The following ATG2A variants were observed in gnomAD, a reference collection of about 807,000 sequenced individuals.
The protein encoded by ATG2A is autophagy-related protein 2 homolog A.
Under a neutral mutation model 214.2 loss-of-function variants are expected in ATG2A, and 103 were observed. The observed-to-expected ratio is 0.48, with a 90% confidence interval of 0.41 to 0.57. The LOEUF is 0.57. ATG2A is among the 20% of genes least tolerant of loss of function. ATG2A has a pLI of 0.00. For missense variants in ATG2A, 2,312 were observed against 2,613.2 expected, an observed-to-expected ratio of 0.88 and a Z score of 2.51; for synonymous variants, 1,160 against 1,142.1, an observed-to-expected ratio of 1.02 and a Z score of -0.32.
rs1944608939 is a variant in ATG2A at position 64,907,775 on chromosome 11, T to G, written c.2480A>C (p.Lys827Thr). The stretch of plus-strand genomic sequence containing the variant: ...GTTGTAGATGCTCTCGTAGACCTCC[T>G]TGCTGGGCAGAAAGATGTGGACACT... ...LPSVHIFLPS[K>T]EVYESIYNRI... The change falls in exon 17 of 41, where the codon AAG becomes ACG. Residue 827 changes from lysine to threonine, a missense_variant. Physicochemically the swap from Lys to Thr is moderately conservative, Grantham distance 78. Transcript: ENST00000377264. The G allele has an allele frequency of 6.2e-7, 1 of 1,613,400 alleles. No homozygotes were observed. The highest frequency in any genetic ancestry group is 1.7e-5 in the Admixed American group (1 of 59,986).
Position 64,911,118 on chromosome 11 carries a change from G to A in ATG2A, c.1386C>T (p.Thr462=), listed in dbSNP as rs753076247. ...CTCGGGAACCGAAGGGCCCATCCTTGGTGGCATCAAACTCGGTGAAAAAGT... is the reference window on the plus strand; with the variant it reads ...CTCGGGAACCGAAGGGCCCATCCTTAGTGGCATCAAACTCGGTGAAAAAGT... ...ATHFFTEFDA[T]KDGPFGSRDF... is the part of the protein sequence containing the mutation. Residue 462 remains threonine, a synonymous_variant, in exon 10 of 41, where the codon ACC becomes ACT. Transcript: ENST00000377264. 2.5e-6 allele frequency: 4 copies of A among 1,614,028 alleles called. No homozygotes were observed. Among genetic ancestry groups the A allele is most frequent in the East Asian group, 2.2e-5 (1 of 44,892 alleles).
chr11:64,906,557 C>T (rs1366863305), intron 20 of ATG2A, 24 bp from the exon 21 acceptor site: 1 of 1,610,100 alleles, frequency 6.2e-7, no homozygotes, highest in Middle Eastern at 1.7e-4. Flanking sequence ...TCATGAGCCC[C>T]CTGCCAAGCC....
At position 64,906,832 on chromosome 11, in the gene ATG2A, C is replaced by T. The variant is rs1450473016; in HGVS notation, c.2833-17G>A. On this transcript the variant is annotated splice_polypyrimidine_tract_variant and intron_variant, in intron 19 of 40. Coordinates refer to ENST00000377264, the MANE Select transcript of ATG2A (RefSeq NM_015104.3). The stretch of plus-strand genomic sequence containing the variant: ...ACCCTCATCCTGCAGAAGGAGCACA[C>T]AGCCTGGCTTCCCCAGCTGCACTCA... The T allele has an allele frequency of 6.2e-7, 1 of 1,608,926 alleles. No homozygotes were observed. The highest frequency in any genetic ancestry group is 8.5e-7 in the Non-Finnish European group (1 of 1,178,316).
Position 64,911,229 on chromosome 11 carries a change from C to T in ATG2A, c.1275G>A (p.Ser425=), listed in dbSNP as rs200164550. 68 of 1,614,054 alleles carry T rather than the reference C, an allele frequency of 4.2e-5. 1 individual carries two copies. The highest frequency in any genetic ancestry group is 4.1e-4 in the South Asian group (37 of 91,084). ...NPLLDTMRPD[S]LLKMTLGGVT... ...CACCCCCCAAGGTCATCTTCAGCAG[C>T]GAGTCAGGGCGCATGGTGTCCAGGA... Residue 425 remains serine, a synonymous_variant, in exon 10 of 41, where the codon TCG becomes TCA. Coordinates refer to ENST00000377264, the MANE Select transcript of ATG2A (RefSeq NM_015104.3).
chr11:64,898,204 C>A lies in ATG2A; in HGVS notation c.4774-34G>T. 6.2e-7 allele frequency: 1 copy of A among 1,613,818 alleles called. No individual in the cohort carries two copies. The highest frequency in any genetic ancestry group is 2.2e-5 in the East Asian group (1 of 44,886). On this transcript the variant is annotated intron_variant, in intron 33 of 40. Transcript: ENST00000377264. The surrounding 1 kb of genome is among the most constrained non-coding windows in gnomAD (Gnocchi z 4.5). The stretch of plus-strand genomic sequence containing the variant: ...GAGAGGTCCAGATGTGGATCAGACT[C>A]AGAGGCCTGGAGACAGTGGGGTCAC...
At position 64,895,456 on chromosome 11, in the gene ATG2A, G is replaced by A. The variant is rs1368296275; in HGVS notation, c.5428-14C>T. On this transcript the variant is annotated splice_polypyrimidine_tract_variant and intron_variant, in intron 39 of 40. Transcript: ENST00000377264. This position sits in a 1 kb window ranked among gnomAD's most constrained non-coding sequence, Gnocchi z 5.0. ...CTCAGCTGTGGCCTGGGGGACATGG[G>A]AGCACTGGATGAGGACAGCTGGCTG... is the stretch of plus-strand genomic sequence containing the variant. 1 of 1,549,678 alleles carries A rather than the reference G, an allele frequency of 6.5e-7. No individual in the cohort carries two copies. The highest frequency in any genetic ancestry group is 1.9e-5 in the Admixed American group (1 of 52,906).
chr11:64,896,880 A>G lies in ATG2A; in HGVS notation c.5151-11T>C. ...TCCACACCCAGGAGCCTGGCAGGGC[A>G]GGGAGGTGAGGAGGCAGAAGGTGAG... On this transcript the variant is annotated splice_polypyrimidine_tract_variant and intron_variant, in intron 37 of 40. Transcript: ENST00000377264. 5.6e-6 allele frequency: 9 copies of G among 1,612,796 alleles called. No individual in the cohort carries two copies. Among genetic ancestry groups the G allele is most frequent in the Non-Finnish European group, 6.8e-6 (8 of 1,178,950 alleles).
At position 64,909,777 on chromosome 11, in the gene ATG2A, G is replaced by A. The variant is rs769643699; in HGVS notation, c.2011C>T (p.Leu671=). The change falls in exon 14 of 41, where the codon CTG becomes TTG. Residue 671 remains leucine (L), a synonymous_variant. Transcript: ENST00000377264. The part of the protein sequence containing the change: ...GQAVRAEQLR[L]ELSEPQFRSE... Reference sequence around the variant, plus strand: ...CGGAACTGGGGCTCACTCAGCTCCAGCCGAAGCTGCTCAGCCCGCACGGCC... The same window carrying A: ...CGGAACTGGGGCTCACTCAGCTCCAACCGAAGCTGCTCAGCCCGCACGGCC... 2 of 1,612,676 alleles carry A rather than the reference G, an allele frequency of 1.2e-6. No individual in the cohort carries two copies. The highest frequency in any genetic ancestry group is 4.5e-5 in the East Asian group (2 of 44,886).
rs974928419 is a variant in ATG2A, at chr11:64,911,091, G to A, written c.1413C>T (p.Asp471=). The part of the protein sequence containing the change: ...ATKDGPFGSR[D]FHHLRPRFQR... The stretch of plus-strand genomic sequence containing the variant: ...GGAAGCGTGGTCGAAGGTGATGGAA[G>A]TCTCGGGAACCGAAGGGCCCATCCT... Residue 471 remains aspartate (D), a synonymous_variant, in exon 10 of 41, where the codon GAC becomes GAT. Transcript: ENST00000377264. The A allele has an allele frequency of 6.2e-7, 1 of 1,614,058 alleles. No individual in the cohort carries two copies. Among genetic ancestry groups the A allele is most frequent in the Non-Finnish European group, 8.5e-7 (1 of 1,180,024 alleles).
chr11:64,895,584 A>C lies in ATG2A; in HGVS notation c.5428-142T>G, dbSNP rs2136532811. 3 of 938,164 alleles carry C rather than the reference A, an allele frequency of 3.2e-6. No individual in the cohort carries two copies. The highest frequency in any genetic ancestry group is 4.6e-6 in the Non-Finnish European group (3 of 654,906). The allele number at this position is 938,164 out of a possible 1,614,324, so 58.1% of individuals were successfully genotyped here. A position where few individuals can be genotyped will look rare whatever the true frequency, so the allele number is the denominator to read the frequency against. On this transcript the variant is annotated intron_variant, in intron 39 of 40. Coordinates refer to ENST00000377264, the MANE Select transcript of ATG2A (RefSeq NM_015104.3). The surrounding 1 kb of genome is among the most constrained non-coding windows in gnomAD (Gnocchi z 5.0). Reference sequence around the variant, plus strand: ...GGCCTAGGGGGTCCTGCTCAGCCTCACTCCCCACTTCCTCCCACTCTTCCT... The same window carrying C: ...GGCCTAGGGGGTCCTGCTCAGCCTCCCTCCCCACTTCCTCCCACTCTTCCT...
chr11:64,913,043 G>T lies in ATG2A; in HGVS notation c.820C>A (p.Pro274Thr). The change falls in exon 6 of 41, where the codon CCC becomes ACC. Residue 274 changes from proline to threonine, a missense_variant. Pro to Thr is a conservative substitution (Grantham distance 38). Coordinates refer to ENST00000377264, the MANE Select transcript of ATG2A (RefSeq NM_015104.3). This position sits in a 1 kb window ranked among gnomAD's most constrained non-coding sequence, Gnocchi z 4.3. ...CCAGGGGCCTGGGGACCCACCTTGG[G>T]GCCAGGGAAGGCCTCATTTTGCTTC... ...KLKQNEAFPG[P>T]KLEVAGQLGS... 1 of 1,553,462 alleles carries T rather than the reference G, an allele frequency of 6.4e-7. No individual in the cohort carries two copies. The highest frequency in any genetic ancestry group is 8.7e-7 in the Non-Finnish European group (1 of 1,148,912).
In ATG2A at chr11:64,905,666, T is replaced by C. The variant is rs759865714; in HGVS notation, c.3372-11A>G. Reference sequence around the variant, plus strand: ...GGGAGGTAGAGTGGCCTGGGGGTGATACTCGGGCTGGGGCCGGCTCCTTAC... The same window carrying C: ...GGGAGGTAGAGTGGCCTGGGGGTGACACTCGGGCTGGGGCCGGCTCCTTAC... On this transcript the variant is annotated splice_polypyrimidine_tract_variant and intron_variant, in intron 23 of 40. Transcript: ENST00000377264. 1 of 1,613,624 alleles carries C rather than the reference T, an allele frequency of 6.2e-7. No homozygotes were observed. The highest frequency in any genetic ancestry group is 8.5e-7 in the Non-Finnish European group (1 of 1,179,908).
chr11:64,902,818 A>G, intron 26 of ATG2A, 138 bp from the exon 27 acceptor site: 1 of 733,110 alleles, frequency 1.4e-6, no homozygotes, highest in Non-Finnish European at 2.3e-6. Flanking sequence ...GGAGTGGATG[A>G]CCTGCCCAGT....
chr11:64,908,612 AAACTCATCTATAGGT>A (rs1246773352), intron 16 of ATG2A, among the ~76,000 whole-genome samples: 1 of 152,196 alleles, frequency 6.6e-6, no homozygotes, highest in African/African-American at 2.4e-5. Context: ...CCAGGGGAAG[AAACTCATCTATAGGT>A]AACTCTTCAA....
At position 64,900,985 on chromosome 11, in the gene ATG2A, A is replaced by T. The variant is rs1203792244; in HGVS notation, c.4227T>A (p.Pro1409=). The change falls in exon 30 of 41, where the codon CCT becomes CCA. Residue 1409 remains proline, a synonymous_variant. Transcript: ENST00000377264. ...PIGSTDLLRA[P]AHFPVPSTRV... ...GAGTGCTGGGCACTGGGAAATGGGC[A>T]GGTGCCCGCAGCAAGTCCGTGCTGC... The T allele has an allele frequency of 6.3e-7, 1 of 1,588,620 alleles. No individual in the cohort carries two copies.
In ATG2A at chr11:64,896,531, A is replaced by T; in HGVS notation, c.5358T>A (p.Ala1786=). ...GRLMRGLQRG[A]ASFGSSTASA... ...AGGCTGTGGATGAGCCAAAGGAGGCAGCCCCTCGCTGCAGCCCCCGCATGA... is the reference window on the plus strand; with the variant it reads ...AGGCTGTGGATGAGCCAAAGGAGGCTGCCCCTCGCTGCAGCCCCCGCATGA... Residue 1786 remains alanine (A), a synonymous_variant, in exon 39 of 41, where the codon GCT becomes GCA. Transcript: ENST00000377264. The T allele has an allele frequency of 6.2e-7, 1 of 1,613,982 alleles. No individual in the cohort carries two copies.
chr11:64,907,993 C>A (rs1295323432), intron 16 of ATG2A, 103 bp from the exon 17 acceptor site: 8 of 1,351,616 alleles, frequency 5.9e-6, no homozygotes. Context: ...ATCATTCATT[C>A]ATTCATAGGA....
In ATG2A at chr11:64,900,873, C is replaced by T. The variant is rs779726836; in HGVS notation, c.4328+11G>A. The T allele has an allele frequency of 2.1e-5, 33 of 1,550,182 alleles. No individual in the cohort carries two copies. The highest frequency in any genetic ancestry group is 4.1e-5 in the African/African-American group (3 of 72,986). The stretch of plus-strand genomic sequence containing the variant: ...CTTCACCAGCTGCCACCTGCACCCG[C>T]TCCTCCTCACCTGTGGCCGGGGTGG... On this transcript the variant is annotated intron_variant, in intron 30 of 40. Transcript: ENST00000377264.
intron 19 of ATG2A, among the ~76,000 whole-genome samples, 192 bp downstream of exon 19, chr11:64,907,063 T>C (rs1411232112): frequency 6.6e-6 from 1 of 152,236 alleles, no homozygotes; most frequent in Non-Finnish European, 1.5e-5. Context: ...CATGGTGCTT[T>C]ACATACAGCA....
Sources: allele counts gnomAD v4.1 joint callset (sites outside exome capture counted in the v4.1 genomes callset), GRCh38; gene constraint gnomAD v4.1.1; non-coding constraint Gnocchi (gnomAD v3.1); transcripts MANE v1.5; gene names NCBI Gene and HGNC (gene_info 2026-07-23, HGNC 2026-07-21).